The following SYT16 variants were observed in gnomAD, a reference collection of about 807,000 sequenced individuals.
SYT16 encodes synaptotagmin-16.
SYT16 carries 42 observed loss-of-function variants against 61.4 expected under a neutral mutation model. That is an observed-to-expected ratio of 0.68 (90% CI 0.53 to 0.89). The LOEUF (loss-of-function observed/expected upper bound fraction) is 0.89. SYT16 is among the 40% of genes least tolerant of loss of function. The pLI is 0.00. For missense variants in SYT16, 804 were observed against 807.3 expected, an observed-to-expected ratio of 1.00 and a Z score of 0.05; for synonymous variants, 314 against 302.3, an observed-to-expected ratio of 1.04 and a Z score of -0.40.
intron 1 of SYT16, among the ~76,000 whole-genome samples, chr14:61,895,619 A>G (rs1045980869): frequency 1.3e-5 from 2 of 152,134 alleles, no homozygotes; most frequent in Non-Finnish European, 2.9e-5. Context: ...GTATTTTACT[A>G]TTACTGCTAC....
At chr14:62,089,940 A>G (rs1265484963) in intron 7 of SYT16, among the ~76,000 whole-genome samples, 1 of 152,224 alleles carries the variant, frequency 6.6e-6, no homozygotes, top group African/African-American at 2.4e-5. Context: ...CTTCACGGGA[A>G]AGCAATTCAG....
At chr14:61,980,070 A>G (rs1311848386) in intron 2 of SYT16, among the ~76,000 whole-genome samples, 2 of 152,206 alleles carry the variant, frequency 1.3e-5, no homozygotes, top group Non-Finnish European at 2.9e-5. Context: ...ATAATAGGAT[A>G]CATAAAATGT....
intron 1 of SYT16, among the ~76,000 whole-genome samples, chr14:61,887,273 T>C (rs2047945015): frequency 6.6e-6 from 1 of 152,210 alleles, no homozygotes; most frequent in African/African-American, 2.4e-5. Context: ...AGTAAACCAT[T>C]CTATAAACAG....
At chr14:61,880,365 C>A (rs748514070) in intron 1 of SYT16, among the ~76,000 whole-genome samples, 1 of 152,214 alleles carries the variant, frequency 6.6e-6, no homozygotes, top group Non-Finnish European at 1.5e-5. Flanking sequence ...AGTTGCTTTA[C>A]AGGTGGTTAT....
chr14:62,025,882 A>T (rs557463958), intron 3 of SYT16, among the ~76,000 whole-genome samples: 2,978 of 150,952 alleles, frequency 0.02, 27 homozygotes, highest in South Asian at 0.028. Context: ...CAAATTGTTA[A>T]AAAAAAAACA....
At chr14:61,992,523 T>C (rs567946786) in intron 2 of SYT16, among the ~76,000 whole-genome samples, 1 of 152,276 alleles carries the variant, frequency 6.6e-6, no homozygotes, top group Non-Finnish European at 1.5e-5. Flanking sequence ...AGTGTCCTTT[T>C]GTACCTCTAG....
At chr14:62,082,361 T>C (rs548263592) in intron 6 of SYT16, among the ~76,000 whole-genome samples, 1 of 152,292 alleles carries the variant, frequency 6.6e-6, no homozygotes, top group East Asian at 1.9e-4. Context: ...CTAAATCTAT[T>C]CCCCCTGCAG....
intron 3 of SYT16, among the ~76,000 whole-genome samples, chr14:62,032,949 T>C (rs2054364070): frequency 6.6e-6 from 1 of 151,958 alleles, no homozygotes; most frequent in Non-Finnish European, 1.5e-5. Flanking sequence ...TTTAGAAATA[T>C]AGCAACTGTT....
chr14:62,060,780 T>G (rs1489383169), intron 3 of SYT16, among the ~76,000 whole-genome samples: 1 of 152,072 alleles, frequency 6.6e-6, no homozygotes, highest in African/African-American at 2.4e-5. Context: ...CATATGATTT[T>G]CTATACTTGT....
At chr14:62,076,443 T>TAAAAAAAAAAAA (rs11336905) in intron 5 of SYT16, among the ~76,000 whole-genome samples, 1 of 143,984 alleles carries the variant, frequency 6.9e-6, no homozygotes. Context: ...ATGCTCAAGG[T>TAAAAAAAAAAAA]AAAAAAAAAA....
chr14:61,836,378 A>G (rs113198305), intron 1 of SYT16, among the ~76,000 whole-genome samples: 1 of 152,222 alleles, frequency 6.6e-6, no homozygotes, highest in South Asian at 2.1e-4. Flanking sequence ...TCACACAAAC[A>G]TCAGCAGTCC....
chr14:61,840,337 T>C (rs1311634191), intron 1 of SYT16, among the ~76,000 whole-genome samples: 1 of 152,034 alleles, frequency 6.6e-6, no homozygotes, highest in Non-Finnish European at 1.5e-5. Flanking sequence ...TTGGGAGACA[T>C]CAGTGAAGAG....
intron 3 of SYT16, among the ~76,000 whole-genome samples, chr14:62,025,511 A>C (rs917559900): frequency 7.2e-5 from 11 of 152,168 alleles, no homozygotes; most frequent in Admixed American, 1.3e-4. Context: ...TTTATCAGAT[A>C]TATCTTTCAC....
At chr14:61,824,225 T>C (rs2140222402) in intron 1 of SYT16, among the ~76,000 whole-genome samples, 1 of 152,336 alleles carries the variant, frequency 6.6e-6, no homozygotes, top group African/African-American at 2.4e-5. Context: ...ATATACTTTT[T>C]CTTTTTTGGT....
chr14:62,040,885 G>A (rs1269548748), intron 3 of SYT16, among the ~76,000 whole-genome samples: 1 of 151,986 alleles, frequency 6.6e-6, no homozygotes, highest in African/African-American at 2.4e-5. Flanking sequence ...ACTGATATTG[G>A]TACCTTATTG....
chr14:61,960,441 G>A (rs1270660686), intron 1 of SYT16, among the ~76,000 whole-genome samples: 1 of 152,060 alleles, frequency 6.6e-6, no homozygotes, highest in Non-Finnish European at 1.5e-5. Context: ...GTATTCTGAG[G>A]TATTTTATTC....
At chr14:62,072,992 G>A (rs867928678) in intron 4 of SYT16, among the ~76,000 whole-genome samples, 2 of 152,184 alleles carry the variant, frequency 1.3e-5, no homozygotes, top group South Asian at 4.2e-4. Context: ...GTCTATTGAA[G>A]GTGTCATGAT....
chr14:62,061,473 C>T (rs1261128629), intron 3 of SYT16, among the ~76,000 whole-genome samples: 1 of 151,958 alleles, frequency 6.6e-6, no homozygotes, highest in African/African-American at 2.4e-5. Flanking sequence ...AAGAAGAAAG[C>T]AAGACCCAAC....
Position 62,110,500 on chromosome 14 carries a change from T to C in SYT16, c.*9793T>C, listed in dbSNP as rs1350035638. 1 of 152,088 alleles carries C rather than the reference T, an allele frequency of 6.6e-6. No homozygotes were observed. Among genetic ancestry groups the C allele is most frequent in the Non-Finnish European group, 1.5e-5 (1 of 67,972 alleles). The allele number at this position is 152,088 out of a possible 1,614,324, so 9.4% of individuals were successfully genotyped here. A position where few individuals can be genotyped will look rare whatever the true frequency, so the allele number is the denominator to read the frequency against. ...ATAGTTTGTGATTTTTATATTAAGG[T>C]CGTATCAACTCTTTATGTCAATATA... On this transcript the variant is annotated 3_prime_UTR_variant, in exon 8 of 8. Transcript: ENST00000683842.
Sources: allele counts gnomAD v4.1 joint callset (sites outside exome capture counted in the v4.1 genomes callset), GRCh38; gene constraint gnomAD v4.1.1; transcripts MANE v1.5; gene names NCBI Gene and HGNC (gene_info 2026-07-23, HGNC 2026-07-21).